The following MITF variants were observed in gnomAD, a reference collection of about 807,000 sequenced individuals.
MITF encodes the protein melanocyte inducing transcription factor.
Under a neutral mutation model 60.5 loss-of-function variants are expected in MITF, and 17 were observed. That is an observed-to-expected ratio of 0.28 (90% confidence interval 0.19 to 0.42). The LOEUF (loss-of-function observed/expected upper bound fraction) is 0.42. Among genes scored for constraint, MITF ranks in the 10% least tolerant of loss-of-function variants. The pLI is 1.00. For missense variants in MITF, 622 were observed against 683.5 expected, an observed-to-expected ratio of 0.91 and a Z score of 1.00; for synonymous variants, 260 against 248.5, an observed-to-expected ratio of 1.05 and a Z score of -0.43.
At position 69,967,117 on chromosome 3, in the gene MITF, G is replaced by A. The variant is rs886058814; in HGVS notation, c.*1869G>A. 4 of 232,742 alleles carry A rather than the reference G, an allele frequency of 1.7e-5. No individual in the cohort carries two copies. Among genetic ancestry groups the A allele is most frequent in the South Asian group, 1.8e-4 (1 of 5,518 alleles). The allele number at this position is 232,742 out of a possible 1,614,324, so 14.4% of individuals were successfully genotyped here. ...TGGGTGATGGAGGGTTCAGAGAGGA[G>A]TGATCGTCAGATGTGTGAATGGACG... On this transcript the variant is annotated 3_prime_UTR_variant, in exon 10 of 10. Transcript: ENST00000352241.
Position 69,870,988 on chromosome 3 carries a change from T to C in MITF, c.105-8146T>C, listed in dbSNP as rs549300882. On this transcript the variant is annotated intron_variant, in intron 1 of 9. Coordinates refer to ENST00000352241, the MANE Select transcript of MITF (RefSeq NM_001354604.2). ...GTATCCCAGGGTACATCAAACTGGCTTAAGAAAAAATGGAGTTTGATTGGC... is the reference window on the plus strand; with the variant it reads ...GTATCCCAGGGTACATCAAACTGGCCTAAGAAAAAATGGAGTTTGATTGGC... Among the ~76,000 whole-genome samples the C allele has an allele frequency of 2.0e-4, 30 of 152,324 alleles. No individual in the cohort carries two copies. In the East Asian group the frequency reaches 5.0e-3, roughly 25 times the overall value.
At chr3:69,888,853 C>A (rs895090402) in intron 2 of MITF, among the ~76,000 whole-genome samples, 4 of 151,764 alleles carry the variant, frequency 2.6e-5, no homozygotes, top group African/African-American at 9.7e-5. Context: ...GCTTTCTTTT[C>A]TGTCTTGGTG....
At chr3:69,804,486 A>G (rs1405942686) in intron 1 of MITF, among the ~76,000 whole-genome samples, 2 of 152,066 alleles carry the variant, frequency 1.3e-5, no homozygotes, top group African/African-American at 2.4e-5. Flanking sequence ...TTTTCTCTCT[A>G]TAATTCTTCC....
At chr3:69,903,750 T>G (rs1209811423) in intron 2 of MITF, among the ~76,000 whole-genome samples, 1 of 152,166 alleles carries the variant, frequency 6.6e-6, no homozygotes, top group African/African-American at 2.4e-5. Context: ...AACTCACTTC[T>G]AGAAATCATA....
rs115328864 is a variant in MITF at position 69,817,647 on chromosome 3, A to G, written c.105-61487A>G. ...AAAATAGTCTTAAATTGAATCCATC[A>G]TATATTATTTCTGAAAAAAAATGAA... On this transcript the variant is annotated intron_variant, in intron 1 of 9. Transcript: ENST00000352241. Among the ~76,000 whole-genome samples the G allele has an allele frequency of 6.7e-3, 1,022 of 152,206 alleles. 9 individuals are homozygous for G. Among genetic ancestry groups the G allele is most frequent in the African/African-American group, 0.023 (965 of 41,544 alleles).
chr3:69,952,023 T>A, intron 7 of MITF, 137 bp downstream of exon 7: 1 of 705,968 alleles, frequency 1.4e-6, no homozygotes, highest in South Asian at 1.6e-5. Context: ...AAATTGTATT[T>A]GACAGAAACC....
Position 69,848,845 on chromosome 3 carries a change from C to T in MITF, c.105-30289C>T, listed in dbSNP as rs1386359338. 2.0e-5 allele frequency among the ~76,000 whole-genome samples: 3 copies of T among 151,518 alleles called. No homozygotes were observed. The East Asian group carries it at 5.8e-4, about 29-fold the overall frequency. On this transcript the variant is annotated intron_variant, in intron 1 of 9. Coordinates refer to ENST00000352241, the MANE Select transcript of MITF (RefSeq NM_001354604.2). ...ATTTTCCCCCCTTCTCTAGAATGTA[C>T]TTCTCACATTATTGTGTGATTAATG...
At chr3:69,854,002 A>T (rs1422094549) in intron 1 of MITF, among the ~76,000 whole-genome samples, 1 of 151,674 alleles carries the variant, frequency 6.6e-6, no homozygotes, top group African/African-American at 2.4e-5. Context: ...GGTGCACGCC[A>T]CCACGCCTGG....
At chr3:69,933,244 C>T (rs1025789427) in intron 2 of MITF, among the ~76,000 whole-genome samples, 66 of 152,116 alleles carry the variant, frequency 4.3e-4, no homozygotes, top group African/African-American at 1.4e-3. Flanking sequence ...AATCTACACT[C>T]GCTTCTACTT....
chr3:69,907,583 C>T (rs2065128609), intron 2 of MITF, among the ~76,000 whole-genome samples: 1 of 152,088 alleles, frequency 6.6e-6, no homozygotes, highest in South Asian at 2.1e-4. Flanking sequence ...GTCTAATGGC[C>T]TGTATTATGG....
intron 1 of MITF, among the ~76,000 whole-genome samples, chr3:69,752,703 T>A (rs1703978840): frequency 6.6e-6 from 1 of 152,148 alleles, no homozygotes; most frequent in South Asian, 2.1e-4. Flanking sequence ...TATAAAAGTT[T>A]GGAAAATTTG....
intron 1 of MITF, among the ~76,000 whole-genome samples, chr3:69,754,221 CT>C (rs1192690222): frequency 2.0e-3 from 281 of 144,042 alleles, no homozygotes; most frequent in Middle Eastern, 7.3e-3. Flanking sequence ...TCTCTCTCTC[CT>C]TTTTTTTTTT....
At chr3:69,837,902 C>T (rs538891016) in intron 1 of MITF, among the ~76,000 whole-genome samples, 1 of 152,188 alleles carries the variant, frequency 6.6e-6, no homozygotes, top group African/African-American at 2.4e-5. Context: ...CATCAGTCCC[C>T]AAGGGTTTTT....
chr3:69,814,912 G>T (rs1480124860), intron 1 of MITF, among the ~76,000 whole-genome samples: 2 of 152,098 alleles, frequency 1.3e-5, no homozygotes, highest in African/African-American at 2.4e-5. Context: ...CTGTGTAACT[G>T]ACCTCAACTA....
chr3:69,949,279 T>C, intron 6 of MITF, 111 bp downstream of exon 6: 2 of 808,404 alleles, frequency 2.5e-6, no homozygotes, highest in Middle Eastern at 2.3e-4. Context: ...GGACGTAACT[T>C]TTATAGGTCT....
chr3:69,839,406 T>C (rs2063591613), intron 1 of MITF, among the ~76,000 whole-genome samples: 1 of 152,008 alleles, frequency 6.6e-6, no homozygotes, highest in Admixed American at 6.6e-5. Flanking sequence ...AGTTTAACCT[T>C]AATTACTTTT....
rs542141862 is a variant in MITF at position 69,755,433 on chromosome 3, G to GTTTTTT, written c.104+15765_104+15770dup. 9.6e-4 allele frequency among the ~76,000 whole-genome samples: 34 copies of GTTTTTT among 35,424 alleles called. 5 individuals carry two copies. The highest frequency in any genetic ancestry group is 3.0e-3 in the African/African-American group (22 of 7,258). 23.2% of individuals were successfully genotyped at this position (35,424 alleles called of 152,430 possible). A position where few individuals can be genotyped will look rare whatever the true frequency, so the allele number is the denominator to read the frequency against. On this transcript the variant is annotated intron_variant, in intron 1 of 9. Coordinates refer to ENST00000352241, the MANE Select transcript of MITF (RefSeq NM_001354604.2). ...ATCTTTGTATCTTTTACCCTTCTGGGTTTTTTTTTTTTTTTTTTTTTTTTT... is the reference window on the plus strand; with the variant it reads ...ATCTTTGTATCTTTTACCCTTCTGGGTTTTTTTTTTTTTTTTTTTTTTTTTTTTTTT...
chr3:69,852,019 G>A lies in MITF; in HGVS notation c.105-27115G>A, dbSNP rs7652989. ...ACTCAGTAATGTAACCATCTCTTTC[G>A]GCAAACATATACAAACAATTTTAGG... On this transcript the variant is annotated intron_variant, in intron 1 of 9. Transcript: ENST00000352241. Among the ~76,000 whole-genome samples the A allele has an allele frequency of 6.0e-3, 911 of 151,764 alleles. 10 individuals carry two copies. Among genetic ancestry groups the A allele is most frequent in the African/African-American group, 0.021 (879 of 41,346 alleles).
chr3:69,868,899 C>CA (rs75440769), intron 1 of MITF, among the ~76,000 whole-genome samples: 5,256 of 77,038 alleles, frequency 0.068, 179 homozygotes, highest in South Asian at 0.16. Context: ...GACTCCATCT[C>CA]AAAAAAAAAA....
Sources: gnomAD v4.1 joint callset for allele counts (sites outside exome capture counted in the v4.1 genomes callset) on GRCh38, gnomAD v4.1.1 for gene constraint, MANE v1.5 for transcripts, NCBI Gene and HGNC (gene_info 2026-07-23, HGNC 2026-07-21) for gene names.